Variants in GAP43 observed in about 807,000 individuals in gnomAD.
The protein encoded by GAP43 is neuromodulin.
In GAP43, 6 loss-of-function variants were observed where a neutral mutation model predicts 18.6. That is an observed-to-expected ratio of 0.32 (90% CI 0.18 to 0.64). The LOEUF (loss-of-function observed/expected upper bound fraction) is 0.64, where lower values mean the gene tolerates loss of function less well. Ranked by LOEUF, GAP43 falls within the 30% of genes least tolerant of loss-of-function variation. The probability of loss-of-function intolerance (pLI) is 0.78; values close to 1 mark genes in which losing one functional copy is unlikely to be tolerated. For missense variants in GAP43, 292 were observed against 295.5 expected, an observed-to-expected ratio of 0.99 and a Z score of 0.09; for synonymous variants, 115 against 111.4, an observed-to-expected ratio of 1.03 and a Z score of -0.20.
chr3:115,674,818 CTG>C (rs1559797953), intron 1 of GAP43, among the ~76,000 whole-genome samples: 1 of 152,140 alleles, frequency 6.6e-6, no homozygotes, highest in Non-Finnish European at 1.5e-5. Context: ...CCTTAAAGAC[CTG>C]GAACTCATTT....
At chr3:115,687,160 T>C (rs1259194112) in intron 2 of GAP43, among the ~76,000 whole-genome samples, 1 of 151,944 alleles carries the variant, frequency 6.6e-6, no homozygotes, top group Non-Finnish European at 1.5e-5. Flanking sequence ...GTAGATCATT[T>C]CTGAGCCTTG....
intron 1 of GAP43, among the ~76,000 whole-genome samples, chr3:115,651,133 A>G (rs1708514629): frequency 6.6e-6 from 1 of 151,942 alleles, no homozygotes; most frequent in African/African-American, 2.4e-5. Context: ...GGAAAAAAAC[A>G]ATAATAATAA....
intron 1 of GAP43, among the ~76,000 whole-genome samples, chr3:115,635,440 A>ATCT (rs1443189369): frequency 6.6e-6 from 1 of 152,136 alleles, no homozygotes; most frequent in Non-Finnish European, 1.5e-5. Context: ...TCTTTCTTCC[A>ATCT]TCTTAAACTT....
intron 1 of GAP43, among the ~76,000 whole-genome samples, chr3:115,669,688 C>T (rs1175804766): frequency 6.6e-6 from 1 of 151,958 alleles, no homozygotes; most frequent in African/African-American, 2.4e-5. Context: ...TTGAAGATAC[C>T]ACCTCATATT....
intron 2 of GAP43, among the ~76,000 whole-genome samples, chr3:115,715,328 C>T (rs768082246): frequency 3.3e-4 from 51 of 152,306 alleles, no homozygotes; most frequent in South Asian, 8.3e-4. Flanking sequence ...TTCTACGCTT[C>T]GCCTTGCTGG....
At chr3:115,714,774 G>C (rs934554291) in intron 2 of GAP43, among the ~76,000 whole-genome samples, 3 of 151,460 alleles carry the variant, frequency 2.0e-5, no homozygotes, top group African/African-American at 4.9e-5. Context: ...TTTTGCCCTG[G>C]TAAAGATGGA....
rs188069401 is a variant in GAP43, at chr3:115,700,050, G to C, written c.629-20744G>C. ...AGATCTGGAAAAGTCAAGTTTAACT[G>C]TTCCTTATTTGTCTCAAGAAAGAGA... is the stretch of plus-strand genomic sequence containing the variant. On this transcript the variant is annotated intron_variant, in intron 2 of 2. Transcript: ENST00000305124. 1.6e-3 allele frequency among the ~76,000 whole-genome samples: 242 copies of C among 152,290 alleles called. 6 individuals carry two copies. Among genetic ancestry groups the C allele is most frequent in the Non-Finnish European group, 5.4e-4 (37 of 68,012 alleles).
chr3:115,653,476 T>C (rs1006280655), intron 1 of GAP43, among the ~76,000 whole-genome samples: 1 of 152,098 alleles, frequency 6.6e-6, no homozygotes, highest in African/African-American at 2.4e-5. Flanking sequence ...AGGTAATTTT[T>C]CCAATGTCAA....
intron 2 of GAP43, among the ~76,000 whole-genome samples, chr3:115,691,727 C>T (rs1470689758): frequency 6.6e-6 from 1 of 152,142 alleles, no homozygotes; most frequent in Non-Finnish European, 1.5e-5. Context: ...TTTGGCCTAC[C>T]TTGTAGCTCA....
At chr3:115,700,163 A>G (rs1179108356) in intron 2 of GAP43, among the ~76,000 whole-genome samples, 1 of 152,208 alleles carries the variant, frequency 6.6e-6, no homozygotes, top group Non-Finnish European at 1.5e-5. Context: ...GCAGAACACC[A>G]ACATCAGACA....
At chr3:115,707,527 G>C (rs1709379953) in intron 2 of GAP43, among the ~76,000 whole-genome samples, 1 of 152,104 alleles carries the variant, frequency 6.6e-6, no homozygotes, top group Admixed American at 6.6e-5. Flanking sequence ...CTGGGCTCAA[G>C]TGATCCTCCT....
At chr3:115,717,803 A>C (rs1035241504) in intron 2 of GAP43, among the ~76,000 whole-genome samples, 1 of 152,184 alleles carries the variant, frequency 6.6e-6, no homozygotes, top group Non-Finnish European at 1.5e-5. Context: ...AAATGAATAT[A>C]TATTGAGGCT....
chr3:115,681,247 T>C (rs145147893), intron 2 of GAP43, among the ~76,000 whole-genome samples: 3 of 152,250 alleles, frequency 2.0e-5, no homozygotes, highest in East Asian at 1.9e-4. Flanking sequence ...TCTATTTTTA[T>C]ATTCCAAGAA....
intron 2 of GAP43, among the ~76,000 whole-genome samples, chr3:115,677,568 A>G (rs1708909240): frequency 6.6e-6 from 1 of 152,212 alleles, no homozygotes; most frequent in African/African-American, 2.4e-5. Flanking sequence ...AAGGAGGCCA[A>G]CAGTTTCCAT....
chr3:115,659,101 C>G (rs1289530004), intron 1 of GAP43: 2 of 152,282 alleles, frequency 1.3e-5, no homozygotes, highest in African/African-American at 4.8e-5. Flanking sequence ...GCGCCTCTTT[C>G]TCTAACAGGG....
intron 1 of GAP43, among the ~76,000 whole-genome samples, chr3:115,632,261 G>A (rs1202836012): frequency 6.6e-6 from 1 of 151,988 alleles, no homozygotes; most frequent in Non-Finnish European, 1.5e-5. Flanking sequence ...GCAGAAGAGT[G>A]GAGAGAAAAT....
chr3:115,664,034 C>T (rs1708700755), intron 1 of GAP43: 1 of 953,404 alleles, frequency 1.0e-6, no homozygotes. Context: ...TGTCCTTCTA[C>T]TTAGTCTTTT....
At chr3:115,711,494 TAC>T (rs72406302) in intron 2 of GAP43, among the ~76,000 whole-genome samples, 71,667 of 150,050 alleles carry the variant, frequency 0.48, 17,513 homozygotes, top group East Asian at 0.72. Context: ...AAGTTCTAAA[TAC>T]ACACACACAC....
At chr3:115,634,691 G>A (rs1708306999) in intron 1 of GAP43, among the ~76,000 whole-genome samples, 1 of 152,002 alleles carries the variant, frequency 6.6e-6, no homozygotes, top group African/African-American at 2.4e-5. Flanking sequence ...GATCTCTTCA[G>A]CCTAGGAGGT....
Sources: gnomAD v4.1 joint callset for allele counts (sites outside exome capture counted in the v4.1 genomes callset) on GRCh38, gnomAD v4.1.1 for gene constraint, MANE v1.5 for transcripts, NCBI Gene and HGNC (gene_info 2026-07-23, HGNC 2026-07-21) for gene names.